Variants in HCN1 observed in about 807,000 individuals in gnomAD.
The protein encoded by HCN1 is hyperpolarization activated cyclic nucleotide gated potassium channel 1.
A neutral mutation model predicts 78.9 loss-of-function variants in HCN1; 13 were observed. The observed-to-expected ratio is 0.16, with a 90% CI of 0.11 to 0.26. HCN1 has a LOEUF of 0.26. HCN1 is among the 10% of genes least tolerant of loss of function. HCN1 has a pLI of 1.00. For synonymous variants in HCN1, 552 were observed against 455.5 expected, an observed-to-expected ratio of 1.21 and a Z score of -2.70; for missense variants, 810 against 1,154.3, an observed-to-expected ratio of 0.70 and a Z score of 4.32.
chr5:45,539,578 T>C lies in HCN1; in HGVS notation c.850-77571A>G, dbSNP rs1477771596. 2.0e-5 allele frequency among the ~76,000 whole-genome samples: 3 copies of C among 150,782 alleles called. No homozygotes were observed. The East Asian group carries it at 5.8e-4, about 29-fold the overall frequency. ...CACTCGGGAGGCTGAGGTAGGAGAA[T>C]GGCGTGAACCCGGGAGACGGAGCTT... On this transcript the variant is annotated intron_variant, in intron 2 of 7. Coordinates refer to ENST00000303230, the MANE Select transcript of HCN1 (RefSeq NM_021072.4).
intron 2 of HCN1, among the ~76,000 whole-genome samples, chr5:45,611,670 T>C (rs1744840857): frequency 6.6e-6 from 1 of 152,172 alleles, no homozygotes; most frequent in Non-Finnish European, 1.5e-5. Flanking sequence ...GCATATATTG[T>C]ACCACTACAG....
chr5:45,324,633 A>T (rs1005065503), intron 5 of HCN1, among the ~76,000 whole-genome samples: 1 of 151,838 alleles, frequency 6.6e-6, no homozygotes, highest in African/African-American at 2.4e-5. Context: ...AAAGAAGATG[A>T]AATTCCACAG....
intron 4 of HCN1, among the ~76,000 whole-genome samples, chr5:45,373,399 T>TATAA (rs199531989): frequency 7.7e-6 from 1 of 129,210 alleles, no homozygotes; most frequent in African/African-American, 2.9e-5. Flanking sequence ...TAAATATATA[T>TATAA]TATATAAAAT....
chr5:45,556,074 C>A (rs1743461765), intron 2 of HCN1, among the ~76,000 whole-genome samples: 1 of 151,910 alleles, frequency 6.6e-6, no homozygotes, highest in Non-Finnish European at 1.5e-5. Flanking sequence ...GGATTAAACC[C>A]TTAAATCTAA....
At chr5:45,283,830 A>G (rs1162130056) in intron 6 of HCN1, among the ~76,000 whole-genome samples, 2 of 152,168 alleles carry the variant, frequency 1.3e-5, no homozygotes, top group East Asian at 3.8e-4. Flanking sequence ...TACTATAAAG[A>G]CACATGCATG....
At chr5:45,476,255 C>T (rs1352682747) in intron 2 of HCN1, among the ~76,000 whole-genome samples, 1 of 152,118 alleles carries the variant, frequency 6.6e-6, no homozygotes, top group Non-Finnish European at 1.5e-5. Flanking sequence ...TCACCAGATA[C>T]TTCATCTGCT....
intron 5 of HCN1, among the ~76,000 whole-genome samples, chr5:45,307,109 C>T (rs1447341858): frequency 3.3e-5 from 5 of 151,920 alleles, no homozygotes; most frequent in Admixed American, 6.6e-5. Context: ...GAGTTACCAA[C>T]GGTCAAACAA....
chr5:45,438,490 C>T (rs1348617024), intron 3 of HCN1, among the ~76,000 whole-genome samples: 3 of 151,328 alleles, frequency 2.0e-5, no homozygotes, highest in Non-Finnish European at 4.4e-5. Flanking sequence ...ACTTGGGGGG[C>T]TGAGGTAGGA....
At position 45,258,457 on chromosome 5, in the gene HCN1, A is replaced by G. The variant is rs1203113219; in HGVS notation, c.*3464T>C. The G allele has an allele frequency of 6.6e-6, 1 of 152,164 alleles. No individual in the cohort carries two copies. The highest frequency in any genetic ancestry group is 1.9e-4 in the East Asian group (1 of 5,194). The allele number at this position is 152,164 out of a possible 1,614,324, so 9.4% of individuals were successfully genotyped here. ...GGAATTGTTCACTTATGAAGAGGTC[A>G]TCCAGACCTGGAGACAAGCTACTTT... On this transcript the variant is annotated 3_prime_UTR_variant, in exon 8 of 8. Coordinates refer to ENST00000303230, the MANE Select transcript of HCN1 (RefSeq NM_021072.4).
chr5:45,451,585 C>A (rs1453546626), intron 3 of HCN1, among the ~76,000 whole-genome samples: 2 of 151,826 alleles, frequency 1.3e-5, no homozygotes, highest in Non-Finnish European at 2.9e-5. Flanking sequence ...AGCTTGGGAG[C>A]AATGGGGAGA....
chr5:45,662,989 G>T (rs1449973213), intron 1 of HCN1, among the ~76,000 whole-genome samples: 17 of 113,550 alleles, frequency 1.5e-4, no homozygotes, highest in East Asian at 2.8e-4. Context: ...AAAAGAGCCC[G>T]CATCGCCAAG....
chr5:45,588,995 G>A lies in HCN1; in HGVS notation c.849+56190C>T, dbSNP rs527816289. Among the ~76,000 whole-genome samples, 7 of 152,312 alleles carry A rather than the reference G, an allele frequency of 4.6e-5. No individual in the cohort carries two copies. In the East Asian group the frequency reaches 1.4e-3, roughly 29 times the overall value. On this transcript the variant is annotated intron_variant, in intron 2 of 7. Transcript: ENST00000303230. ...TTTTGTTTTATTTTATTTTAAGGTA[G>A]AGGAAATCAAGCTTGTGTGTATGTA...
intron 5 of HCN1, among the ~76,000 whole-genome samples, chr5:45,346,083 T>A (rs561783353): frequency 7.9e-5 from 12 of 152,142 alleles, no homozygotes; most frequent in African/African-American, 2.4e-4. Context: ...CCAAAAGGGA[T>A]AAAAGCACCT....
At chr5:45,429,333 T>C (rs377001669) in intron 3 of HCN1, among the ~76,000 whole-genome samples, 14 of 152,156 alleles carry the variant, frequency 9.2e-5, no homozygotes, top group African/African-American at 2.9e-4. Context: ...GGCTCTTCTC[T>C]GATCTGTTCA....
intron 5 of HCN1, among the ~76,000 whole-genome samples, chr5:45,333,378 T>A (rs1487422678): frequency 2.0e-5 from 3 of 151,936 alleles, no homozygotes; most frequent in East Asian, 3.9e-4. Context: ...CCATATAAAT[T>A]CTGGTTATTA....
chr5:45,394,827 T>A (rs1277472199), intron 4 of HCN1, among the ~76,000 whole-genome samples: 1 of 152,056 alleles, frequency 6.6e-6, no homozygotes, highest in East Asian at 1.9e-4. Flanking sequence ...AAAAAAGTTA[T>A]ATTCTTTTAA....
Position 45,267,140 on chromosome 5 carries a change from T to C in HCN1, c.1732A>G (p.Met578Val), listed in dbSNP as rs1744874813. 2.5e-6 allele frequency: 4 copies of C among 1,613,890 alleles called. No individual in the cohort carries two copies. Among genetic ancestry groups the C allele is most frequent in the Non-Finnish European group, 2.5e-6 (3 of 1,179,892 alleles). ...ACTGTCTCAAAGGCTCTCCTCATCA[T>C]TGGATATTCCTCCAGGACCTCGTTG... ...NFNEVLEEYP[M>V]MRRAFETVAI... The change falls in exon 7 of 8, where the codon ATG becomes GTG. Residue 578 changes from methionine to valine, a missense_variant. This residue lies in a region of HCN1 where 36 missense variants were observed against 58.5 expected (regional missense o/e 0.62). Transcript: ENST00000303230.
intron 6 of HCN1, among the ~76,000 whole-genome samples, chr5:45,283,801 A>G (rs1187452013): frequency 1.3e-5 from 2 of 152,196 alleles, no homozygotes; most frequent in African/African-American, 4.8e-5. Flanking sequence ...ATATACACCA[A>G]GAGGAATATA....
intron 2 of HCN1, among the ~76,000 whole-genome samples, chr5:45,613,371 A>G (rs1297260019): frequency 6.6e-6 from 1 of 152,040 alleles, no homozygotes; most frequent in Non-Finnish European, 1.5e-5. Context: ...TCCATGGTGT[A>G]TATGTGCCAC....
Sources: gnomAD v4.1 joint callset for allele counts (sites outside exome capture counted in the v4.1 genomes callset) on GRCh38, gnomAD v4.1.1 for gene constraint, gnomAD v4.1.1 regional missense constraint, MANE v1.5 for transcripts, NCBI Gene and HGNC (gene_info 2026-07-23, HGNC 2026-07-21) for gene names.